The following IL1RAPL1 variants were observed in gnomAD, a reference collection of about 807,000 sequenced individuals.
IL1RAPL1 encodes interleukin-1 receptor accessory protein-like 1.
Under a neutral mutation model 48.4 loss-of-function variants are expected in IL1RAPL1, and 3 were observed. The observed-to-expected ratio is 0.06, with a 90% CI of 0.03 to 0.16. The LOEUF is 0.16. Ranked by LOEUF, IL1RAPL1 falls within the 10% of genes least tolerant of loss-of-function variation. The pLI, the probability that IL1RAPL1 is intolerant of heterozygous loss-of-function variation, is 1.00. For synonymous variants in IL1RAPL1, 185 were observed against 187.7 expected (o/e 0.99, Z 0.12); for missense variants, 349 against 530.6 (o/e 0.66, Z 3.36).
At chrX:28,939,882 C>T (rs968874960) in intron 2 of IL1RAPL1, among the ~76,000 whole-genome samples, 3 of 110,906 alleles carry the variant, frequency 2.7e-5, no homozygotes, top group African/African-American at 9.8e-5. Context: ...TGACAGACCT[C>T]AAATTCCAGT....
At chrX:28,930,608 G>C (rs2147342761) in intron 2 of IL1RAPL1, among the ~76,000 whole-genome samples, 1 of 111,646 alleles carries the variant, frequency 9.0e-6, no homozygotes, top group South Asian at 3.7e-4. Context: ...AAGTAAGTTA[G>C]AAACGACCAT....
intron 2 of IL1RAPL1, among the ~76,000 whole-genome samples, chrX:29,012,360 T>C (rs1009801869): frequency 3.6e-5 from 4 of 111,107 alleles, no homozygotes; most frequent in African/African-American, 9.8e-5. Flanking sequence ...CTGGCCAACA[T>C]AGTGAAACCC....
intron 2 of IL1RAPL1, among the ~76,000 whole-genome samples, chrX:29,267,285 G>A (rs1931970387): frequency 8.9e-6 from 1 of 112,040 alleles, no homozygotes; most frequent in Admixed American, 9.5e-5. Flanking sequence ...ATAGTGCTTT[G>A]TTTATGATTG....
chrX:29,369,843 A>T (rs901629926), intron 3 of IL1RAPL1: 2 of 111,831 alleles, frequency 1.8e-5, no homozygotes, highest in Non-Finnish European at 3.8e-5. Context: ...TTTGCTTTTT[A>T]TAGGCTGATC....
At chrX:29,060,231 A>G (rs1447363128) in intron 2 of IL1RAPL1, among the ~76,000 whole-genome samples, 2 of 111,959 alleles carry the variant, frequency 1.8e-5, no homozygotes, top group Non-Finnish European at 3.8e-5. Flanking sequence ...GCCATATTGA[A>G]GTAGGAATAC....
chrX:28,720,537 A>G (rs962536612), intron 1 of IL1RAPL1, among the ~76,000 whole-genome samples: 1 of 112,211 alleles, frequency 8.9e-6, no homozygotes, highest in African/African-American at 3.2e-5. Context: ...TGTTATTGCA[A>G]ATGATACTTT....
intron 2 of IL1RAPL1, among the ~76,000 whole-genome samples, chrX:29,056,944 A>G (rs920061770): frequency 8.9e-6 from 1 of 112,299 alleles, no homozygotes; most frequent in Non-Finnish European, 1.9e-5. Flanking sequence ...TTTCAAGCAA[A>G]TAAGATCCAC....
chrX:29,055,239 A>G (rs762532304), intron 2 of IL1RAPL1, among the ~76,000 whole-genome samples: 2 of 111,015 alleles, frequency 1.8e-5, no homozygotes, highest in African/African-American at 6.5e-5. Context: ...CCCTCAGTGC[A>G]ATTTTTTTCC....
At chrX:28,630,336 A>G (rs1234108091) in intron 1 of IL1RAPL1, among the ~76,000 whole-genome samples, 1 of 111,811 alleles carries the variant, frequency 8.9e-6, no homozygotes, top group Admixed American at 9.5e-5. Flanking sequence ...TGCCTTTCAC[A>G]GCAATCCAAT....
intron 2 of IL1RAPL1, among the ~76,000 whole-genome samples, chrX:29,074,147 A>AG (rs1416214037): frequency 8.9e-6 from 1 of 112,163 alleles, no homozygotes. Flanking sequence ...CAGTTATGGA[A>AG]GGTGAGTGAT....
At chrX:29,168,594 T>TAC (rs1569250830) in intron 2 of IL1RAPL1, among the ~76,000 whole-genome samples, 1 of 90,692 alleles carries the variant, frequency 1.1e-5, no homozygotes, top group Non-Finnish European at 2.2e-5. Flanking sequence ...TATATATATA[T>TAC]TCATATATAC....
intron 5 of IL1RAPL1, among the ~76,000 whole-genome samples, chrX:29,630,827 C>G (rs780824622): frequency 8.9e-6 from 1 of 112,233 alleles, no homozygotes; most frequent in East Asian, 2.8e-4. Flanking sequence ...CGTGAGCCAC[C>G]GCGCCCAGCC....
At chrX:29,294,477 A>G (rs775785981) in intron 3 of IL1RAPL1, among the ~76,000 whole-genome samples, 222 of 107,272 alleles carry the variant, frequency 2.1e-3, no homozygotes, top group African/African-American at 7.4e-3. Flanking sequence ...GCACTAAGCC[A>G]CTGCACTCCA....
At chrX:29,542,402 T>C (rs1921468209) in intron 5 of IL1RAPL1, among the ~76,000 whole-genome samples, 2 of 111,936 alleles carry the variant, frequency 1.8e-5, no homozygotes, top group African/African-American at 6.5e-5. Flanking sequence ...TTTTTCACTT[T>C]CAATAGGCCT....
intron 5 of IL1RAPL1, among the ~76,000 whole-genome samples, chrX:29,440,544 G>A (rs1253651520): frequency 9.0e-6 from 1 of 111,596 alleles, no homozygotes; most frequent in Admixed American, 9.5e-5. Flanking sequence ...CATAAGAGAG[G>A]AGCTACCTCA....
intron 3 of IL1RAPL1, among the ~76,000 whole-genome samples, chrX:29,310,134 G>GAAAAA (rs1932698901): frequency 2.4e-5 from 1 of 41,470 alleles, no homozygotes; most frequent in Non-Finnish European, 4.4e-5. Context: ...AAAAAAGAAA[G>GAAAAA]GAAAAAAAAA....
At chrX:28,754,083 A>G (rs775710592) in intron 1 of IL1RAPL1, among the ~76,000 whole-genome samples, 3 of 110,964 alleles carry the variant, frequency 2.7e-5, no homozygotes, top group Non-Finnish European at 5.7e-5. Flanking sequence ...AAAACAGAAC[A>G]CTTTTTTCTC....
At chrX:29,300,342 A>C (rs1158864397) in intron 3 of IL1RAPL1, among the ~76,000 whole-genome samples, 3 of 111,896 alleles carry the variant, frequency 2.7e-5, no homozygotes, top group Non-Finnish European at 5.6e-5. Flanking sequence ...TCAAGAATTA[A>C]TGATTGAAAG....
At chrX:29,792,750 C>A (rs186540316) in intron 6 of IL1RAPL1, among the ~76,000 whole-genome samples, 68 of 110,708 alleles carry the variant, frequency 6.1e-4, no homozygotes, top group African/African-American at 2.1e-3. Context: ...ATTTAAACAT[C>A]CCATTTAATC....
Sources: gnomAD v4.1 joint callset for allele counts (sites outside exome capture counted in the v4.1 genomes callset) on GRCh38, gnomAD v4.1.1 for gene constraint, MANE v1.5 for transcripts, NCBI Gene and HGNC (gene_info 2026-07-23, HGNC 2026-07-21) for gene names.